The following NCAM2 variants were observed in gnomAD, a reference collection of about 807,000 sequenced individuals.
NCAM2 encodes N-CAM-2.
A neutral mutation model predicts 98.1 loss-of-function variants in NCAM2; 30 were observed. That is an observed-to-expected ratio of 0.31 (90% CI 0.23 to 0.41). The LOEUF is 0.41. Among genes scored for constraint, NCAM2 ranks in the 10% least tolerant of loss-of-function variants. The pLI is 1.00. For synonymous variants in NCAM2, 368 were observed against 342.4 expected (o/e 1.07, Z -0.83); for missense variants, 867 against 1,005.8 (o/e 0.86, Z 1.87).
chr21:21,118,455 T>G (rs997723703), intron 1 of NCAM2, among the ~76,000 whole-genome samples: 4 of 152,270 alleles, frequency 2.6e-5, no homozygotes, highest in Non-Finnish European at 5.9e-5. Context: ...CTCTGAAGGC[T>G]TAGCCAGTTC....
rs552018069 is a variant in NCAM2, at chr21:21,365,234, A to C, written c.1045-8629A>C. 9.9e-4 allele frequency among the ~76,000 whole-genome samples: 43 copies of C among 43,420 alleles called. 1 individual carries two copies. The South Asian group carries it at 0.038, about 38-fold the overall frequency. 28.5% of individuals were successfully genotyped at this position (43,420 alleles called of 152,430 possible). On this transcript the variant is annotated intron_variant, in intron 8 of 17. Coordinates refer to ENST00000400546, the MANE Select transcript of NCAM2 (RefSeq NM_004540.5). ...TGGAGATTTGAGCTAATTATTGCTT[A>C]GTGCGTGTGTGTGTGTGTGTGTGTG...
At chr21:21,126,236 T>A (rs200882647) in intron 1 of NCAM2, among the ~76,000 whole-genome samples, 1,065 of 97,442 alleles carry the variant, frequency 0.011, no homozygotes, top group Non-Finnish European at 0.013. Flanking sequence ...TCATGGAACA[T>A]AAAAAAAAAA....
chr21:21,253,497 C>T (rs1005747168), intron 1 of NCAM2, among the ~76,000 whole-genome samples: 3 of 152,032 alleles, frequency 2.0e-5, no homozygotes, highest in African/African-American at 7.2e-5. Context: ...AACTGCCTTG[C>T]CCCTTCCACA....
intron 1 of NCAM2, among the ~76,000 whole-genome samples, chr21:21,023,457 G>A (rs544215179): frequency 3.3e-4 from 50 of 151,900 alleles, no homozygotes; most frequent in African/African-American, 1.2e-3. Context: ...CTGGGAGGCG[G>A]AGGTTGCAGT....
At chr21:21,129,941 A>AT (rs1054111490) in intron 1 of NCAM2, among the ~76,000 whole-genome samples, 3 of 152,156 alleles carry the variant, frequency 2.0e-5, no homozygotes, top group African/African-American at 7.2e-5. Flanking sequence ...AGAATACATT[A>AT]TTTTTTGCCT....
intron 8 of NCAM2, among the ~76,000 whole-genome samples, chr21:21,341,177 A>G (rs1252470683): frequency 1.3e-5 from 2 of 152,152 alleles, no homozygotes; most frequent in Non-Finnish European, 2.9e-5. Context: ...TCTGTAAAGT[A>G]TAACTAAGGT....
Position 21,128,673 on chromosome 21 carries a change from C to G in NCAM2, c.55+130055C>G, listed in dbSNP as rs576101682. The stretch of plus-strand genomic sequence containing the variant: ...TTCTGAGTGAAATATAAAGTAAAAT[C>G]TACAAATAAAATATAAAATAATTGG... On this transcript the variant is annotated intron_variant, in intron 1 of 17. Coordinates refer to ENST00000400546, the MANE Select transcript of NCAM2 (RefSeq NM_004540.5). 3.7e-3 allele frequency among the ~76,000 whole-genome samples: 562 copies of G among 151,826 alleles called. 1 individual carries two copies. Among genetic ancestry groups the G allele is most frequent in the African/African-American group, 5.5e-3 (228 of 41,400 alleles).
intron 1 of NCAM2, among the ~76,000 whole-genome samples, chr21:21,194,733 A>G (rs1053898064): frequency 1.3e-5 from 2 of 152,146 alleles, no homozygotes; most frequent in Non-Finnish European, 2.9e-5. Flanking sequence ...AGGCTGAATA[A>G]AATATCCATT....
At chr21:21,009,589 A>G (rs1455848903) in intron 1 of NCAM2, among the ~76,000 whole-genome samples, 2 of 152,042 alleles carry the variant, frequency 1.3e-5, no homozygotes, top group African/African-American at 4.8e-5. Flanking sequence ...GGGGGATATA[A>G]TATCTTGATA....
In NCAM2 at chr21:21,405,095, A is replaced by G. The variant is rs1372639971; in HGVS notation, c.1196-5179A>G. ...TATTGAGGAAAGTACAGTATAACAA[A>G]TATATTATTATTATACTTACTATTT... On this transcript the variant is annotated intron_variant, in intron 9 of 17. Coordinates refer to ENST00000400546, the MANE Select transcript of NCAM2 (RefSeq NM_004540.5). Among the ~76,000 whole-genome samples, 5 of 151,948 alleles carry G rather than the reference A, an allele frequency of 3.3e-5. No individual in the cohort carries two copies. The East Asian group carries it at 5.8e-4, about 18-fold the overall frequency.
At chr21:21,125,600 T>G (rs2066797348) in intron 1 of NCAM2, among the ~76,000 whole-genome samples, 1 of 131,150 alleles carries the variant, frequency 7.6e-6, no homozygotes, top group African/African-American at 2.8e-5. Flanking sequence ...ATTTATTAAA[T>G]ATATAAATAT....
At chr21:21,318,923 C>T (rs186994042) in intron 5 of NCAM2, among the ~76,000 whole-genome samples, 48 of 151,986 alleles carry the variant, frequency 3.2e-4, no homozygotes, top group Middle Eastern at 3.4e-3. Flanking sequence ...CAGAAGCAGG[C>T]GTATTTTTAA....
intron 1 of NCAM2, among the ~76,000 whole-genome samples, chr21:21,255,067 A>T (rs2071617946): frequency 1.3e-5 from 2 of 152,170 alleles, no homozygotes; most frequent in African/African-American, 2.4e-5. Flanking sequence ...GATAGAATAC[A>T]TACCAAGCTA....
At chr21:21,427,966 G>T (rs561811981) in intron 11 of NCAM2, among the ~76,000 whole-genome samples, 1 of 152,122 alleles carries the variant, frequency 6.6e-6, no homozygotes. Flanking sequence ...ACTCGCCGTC[G>T]TACTATTCTA....
intron 15 of NCAM2, among the ~76,000 whole-genome samples, chr21:21,489,182 G>C (rs186588838): frequency 6.6e-6 from 1 of 151,422 alleles, no homozygotes. Context: ...TTTAGTAGAG[G>C]CAGGGTTTCA....
At chr21:21,440,513 A>G (rs1214654096) in intron 12 of NCAM2, among the ~76,000 whole-genome samples, 3 of 151,804 alleles carry the variant, frequency 2.0e-5, no homozygotes, top group Admixed American at 6.6e-5. Flanking sequence ...GAAACCTCAT[A>G]TTGACAAAAA....
chr21:21,263,078 G>A (rs2071985180), intron 1 of NCAM2, among the ~76,000 whole-genome samples: 1 of 152,088 alleles, frequency 6.6e-6, no homozygotes, highest in Non-Finnish European at 1.5e-5. Flanking sequence ...CCTCTTCTCT[G>A]ACAACATGAT....
chr21:21,265,052 C>A (rs111212991), intron 1 of NCAM2, among the ~76,000 whole-genome samples: 40 of 4,528 alleles, frequency 8.8e-3, no homozygotes, highest in East Asian at 0.022. Context: ...CACATATATA[C>A]TATATATGTG....
intron 1 of NCAM2, among the ~76,000 whole-genome samples, chr21:21,097,856 G>A (rs1032963098): frequency 1.5e-5 from 1 of 67,486 alleles, no homozygotes; most frequent in African/African-American, 3.6e-5. Flanking sequence ...TTGAACAAAC[G>A]TTCTGTGGTT....
Sources: gnomAD v4.1 joint callset for allele counts (sites outside exome capture counted in the v4.1 genomes callset) on GRCh38, gnomAD v4.1.1 for gene constraint, MANE v1.5 for transcripts, NCBI Gene and HGNC (gene_info 2026-07-23, HGNC 2026-07-21) for gene names.